The following PIEZO2 variants were observed in gnomAD, a reference collection of about 807,000 sequenced individuals.
PIEZO2 encodes piezo type mechanosensitive ion channel component 2, also known as piezo-type mechanosensitive ion channel component 2.
In PIEZO2, 172 loss-of-function variants were observed where a neutral mutation model predicts 337.3. The ratio of observed to expected loss-of-function variants is 0.51; its 90% CI spans 0.45 to 0.58. The LOEUF is 0.58. Ranked by LOEUF, PIEZO2 falls within the 20% of genes least tolerant of loss-of-function variation. The probability of loss-of-function intolerance (pLI) is 0.00; values close to 1 mark genes in which losing one functional copy is unlikely to be tolerated. For synonymous variants in PIEZO2, 1,251 were observed against 1,228.5 expected, an observed-to-expected ratio of 1.02 and a Z score of -0.38; for missense variants, 3,028 against 3,391.3, an observed-to-expected ratio of 0.89 and a Z score of 2.66.
chr18:11,044,403 T>A (rs1372569501), intron 2 of PIEZO2, among the ~76,000 whole-genome samples: 1 of 152,186 alleles, frequency 6.6e-6, no homozygotes, highest in East Asian at 1.9e-4. Flanking sequence ...CACTTTGAGA[T>A]GCAGACTGAG....
rs1176039570 is a variant in PIEZO2, at chr18:10,980,083, A to T, written c.161-423T>A. Among the ~76,000 whole-genome samples the T allele has an allele frequency of 6.6e-6, 1 of 152,210 alleles. No homozygotes were observed. The highest frequency in any genetic ancestry group is 1.9e-4 in the East Asian group (1 of 5,204). The stretch of plus-strand genomic sequence containing the variant: ...AAGTCACAATAACTTTAATTTCAAA[A>T]TCAAATAAGGCTAGAAAAGAAAATT... On this transcript the variant is annotated intron_variant, in intron 2 of 55. Transcript: ENST00000674853. This position sits in a 1 kb window ranked among gnomAD's most constrained non-coding sequence, Gnocchi z 4.8.
At chr18:10,686,671 T>C (rs1303556228) in intron 49 of PIEZO2, among the ~76,000 whole-genome samples, 1 of 151,820 alleles carries the variant, frequency 6.6e-6, no homozygotes, top group East Asian at 1.9e-4. Flanking sequence ...ATGTGGGAAG[T>C]ATTAAGGGTT....
intron 3 of PIEZO2, among the ~76,000 whole-genome samples, chr18:10,922,631 G>T (rs2031496852): frequency 6.6e-6 from 1 of 152,086 alleles, no homozygotes; most frequent in Non-Finnish European, 1.5e-5. Context: ...AGGACTCTGA[G>T]AGCAGAGGAA....
In PIEZO2 at chr18:11,104,326, CT is replaced by C. The variant is rs1427002623; in HGVS notation, c.65-38105del. 6.6e-6 allele frequency among the ~76,000 whole-genome samples: 1 copy of C among 152,192 alleles called. No homozygotes were observed. The highest frequency in any genetic ancestry group is 1.9e-4 in the East Asian group (1 of 5,188). ...TATGCAGAAAGCTATGCTGTTAGCC[CT>C]AGCCACCCCACCTCAAGCCAGGAGG... On this transcript the variant is annotated intron_variant, in intron 1 of 55. Coordinates refer to ENST00000674853, the MANE Select transcript of PIEZO2 (RefSeq NM_001378183.1). The surrounding 1 kb of genome is among the most constrained non-coding windows in gnomAD (Gnocchi z 4.6).
At position 10,945,974 on chromosome 18, in the gene PIEZO2, GA is replaced by G. The variant is rs1282854643; in HGVS notation, c.286+33560del. Among the ~76,000 whole-genome samples, 1 of 152,076 alleles carries G rather than the reference GA, an allele frequency of 6.6e-6. No homozygotes were observed. The highest frequency in any genetic ancestry group is 1.5e-5 in the Non-Finnish European group (1 of 68,004). On this transcript the variant is annotated intron_variant, in intron 3 of 55. Transcript: ENST00000674853. This position sits in a 1 kb window ranked among gnomAD's most constrained non-coding sequence, Gnocchi z 4.0. Reference sequence around the variant, plus strand: ...AGAAACTAACCAAAATGAAACACAGGAAAAACAGTCAATAAAAATAAAGAGT... The same window carrying G: ...AGAAACTAACCAAAATGAAACACAGGAAAACAGTCAATAAAAATAAAGAGT...
chr18:11,050,033 A>G (rs1425805635), intron 2 of PIEZO2, among the ~76,000 whole-genome samples: 1 of 151,876 alleles, frequency 6.6e-6, no homozygotes, highest in Non-Finnish European at 1.5e-5. Flanking sequence ...GCTGCCTGAA[A>G]CTCCCTCTGT....
intron 2 of PIEZO2, among the ~76,000 whole-genome samples, chr18:11,049,507 A>T (rs2037442336): frequency 6.6e-6 from 1 of 152,236 alleles, no homozygotes. Flanking sequence ...GAACTAACTC[A>T]ACTGTAATAA....
At chr18:10,814,250 T>C (rs534788847) in intron 7 of PIEZO2, among the ~76,000 whole-genome samples, 227 of 152,270 alleles carry the variant, frequency 1.5e-3, no homozygotes, top group Non-Finnish European at 1.2e-3. Context: ...ATTACAGGCA[T>C]GAGCCACCGT....
rs2038348947 is a variant in PIEZO2, at chr18:10,766,229, A to AGAG, written c.2947-3132_2947-3131insCTC. 9.8e-6 allele frequency among the ~76,000 whole-genome samples: 1 copy of AGAG among 101,802 alleles called. No homozygotes were observed. The allele number at this position is 101,802 out of a possible 152,430, so 66.8% of individuals were successfully genotyped here. On this transcript the variant is annotated intron_variant, in intron 21 of 55. Coordinates refer to ENST00000674853, the MANE Select transcript of PIEZO2 (RefSeq NM_001378183.1). This position sits in a 1 kb window ranked among gnomAD's most constrained non-coding sequence, Gnocchi z 6.1. ...AGGAAAGAAGAAGAAAGAAGGAGGA[A>AGAG]CAGGAGGAGGAGGAGGGATAAGGAA... is the stretch of plus-strand genomic sequence containing the variant.
chr18:10,835,872 A>C (rs999327534), intron 7 of PIEZO2, among the ~76,000 whole-genome samples: 3 of 152,242 alleles, frequency 2.0e-5, no homozygotes, highest in Non-Finnish European at 4.4e-5. Flanking sequence ...TTTGTACTAA[A>C]GTCCAACTCT....
chr18:10,709,751 TG>T (rs1268820991), intron 39 of PIEZO2, among the ~76,000 whole-genome samples: 1 of 152,238 alleles, frequency 6.6e-6, no homozygotes, highest in African/African-American at 2.4e-5. Flanking sequence ...ACTGCTCCAG[TG>T]GGGCCGGCCA....
At chr18:10,923,570 C>G (rs1427168913) in intron 3 of PIEZO2, among the ~76,000 whole-genome samples, 1 of 151,398 alleles carries the variant, frequency 6.6e-6, no homozygotes, top group Non-Finnish European at 1.5e-5. Flanking sequence ...TTAAATGCCA[C>G]AACATCTTTG....
intron 4 of PIEZO2, among the ~76,000 whole-genome samples, chr18:10,906,806 C>T (rs932617601): frequency 1.3e-5 from 2 of 152,088 alleles, no homozygotes; most frequent in Admixed American, 6.5e-5. Flanking sequence ...GTCAATCCTC[C>T]CACCTAGGCC....
intron 3 of PIEZO2, among the ~76,000 whole-genome samples, chr18:10,977,961 G>A (rs993003145): frequency 1.3e-5 from 2 of 152,142 alleles, no homozygotes; most frequent in Admixed American, 1.3e-4. Context: ...AGTTTCCTTT[G>A]GGGGTGATGA....
chr18:11,005,988 G>T (rs2145630633), intron 2 of PIEZO2, among the ~76,000 whole-genome samples: 1 of 152,260 alleles, frequency 6.6e-6, no homozygotes, highest in East Asian at 1.9e-4. Flanking sequence ...TTGCTATAAT[G>T]ATATTTTTTC....
Position 10,993,985 on chromosome 18 carries a change from T to C in PIEZO2, c.161-14325A>G, listed in dbSNP as rs1233078890. ...AGAAGTATACACTGAAGCCAATTTG[T>C]ATGCTTTTATCCCTCGCCCCTTCCC... is the stretch of plus-strand genomic sequence containing the variant. On this transcript the variant is annotated intron_variant, in intron 2 of 55. Transcript: ENST00000674853. The surrounding 1 kb of genome is among the most constrained non-coding windows in gnomAD (Gnocchi z 5.0). Among the ~76,000 whole-genome samples, 1 of 151,850 alleles carries C rather than the reference T, an allele frequency of 6.6e-6. No homozygotes were observed. The highest frequency in any genetic ancestry group is 1.5e-5 in the Non-Finnish European group (1 of 68,036).
In PIEZO2 at chr18:10,760,952, T is replaced by C. The variant is rs1300402029; in HGVS notation, c.3409A>G (p.Lys1137Glu). Residue 1137 changes from lysine to glutamate, a missense_variant, in exon 24 of 56, where the codon AAA becomes GAA. This residue lies in a region of PIEZO2 where 1,925 missense variants were observed against 2,051.9 expected (regional missense o/e 0.94). Coordinates refer to ENST00000674853, the MANE Select transcript of PIEZO2 (RefSeq NM_001378183.1). Reference protein sequence around the residue: ...HLDDGLINCAKYFINYFFYKF... With the variant: ...HLDDGLINCAEYFINYFFYKF... ...TAAAAGAAGTAATTAATGAAATATT[T>C]GGCACAATTAATAAGTCCATCATCT... 3.3e-6 allele frequency: 5 copies of C among 1,534,640 alleles called. No homozygotes were observed. The highest frequency in any genetic ancestry group is 4.4e-6 in the Non-Finnish European group (5 of 1,144,664).
intron 4 of PIEZO2, among the ~76,000 whole-genome samples, chr18:10,887,693 A>G (rs571954608): frequency 6.6e-6 from 1 of 152,312 alleles, no homozygotes; most frequent in East Asian, 1.9e-4. Context: ...TGTTGCATTC[A>G]GTTTTTTGTG....
chr18:10,841,939 C>G (rs1356863123), intron 7 of PIEZO2, among the ~76,000 whole-genome samples: 1 of 152,066 alleles, frequency 6.6e-6, no homozygotes, highest in East Asian at 1.9e-4. Flanking sequence ...GGGTGGATCA[C>G]TAGGTCAGGA....
Sources: gnomAD v4.1 joint callset for allele counts (sites outside exome capture counted in the v4.1 genomes callset) on GRCh38, gnomAD v4.1.1 for gene constraint, gnomAD v4.1.1 regional missense constraint, Gnocchi (gnomAD v3.1) non-coding constraint, MANE v1.5 for transcripts, NCBI Gene and HGNC (gene_info 2026-07-23, HGNC 2026-07-21) for gene names.